DICER1: variants seen among roughly 807,000 people sequenced by gnomAD.
DICER1 encodes the protein endoribonuclease Dicer.
Under a neutral mutation model 194.1 loss-of-function variants are expected in DICER1, and 43 were observed. The ratio of observed to expected loss-of-function variants is 0.22; its 90% CI spans 0.17 to 0.29. The LOEUF is 0.29. Ranked by LOEUF, DICER1 falls within the 10% of genes least tolerant of loss-of-function variation. The pLI is 1.00. For synonymous variants in DICER1, 832 were observed against 820.5 expected, an observed-to-expected ratio of 1.01 and a Z score of -0.24; for missense variants, 1,608 against 2,317.0, an observed-to-expected ratio of 0.69 and a Z score of 6.28.
chr14:95,100,033 TAATC>T (rs1890740741), intron 21 of DICER1, 98 bp from the exon 22 acceptor site: 11 of 1,307,554 alleles, frequency 8.4e-6, no homozygotes, highest in East Asian at 7.3e-5. Context: ...TTCTTAAAAT[TAATC>T]AATTAATTAT....
At chr14:95,103,274 T>C in intron 21 of DICER1, 72 bp downstream of exon 21, 2 of 1,477,462 alleles carry the variant, frequency 1.4e-6, no homozygotes. Flanking sequence ...CCTCTGAGAT[T>C]ATCCAACACT....
intron 8 of DICER1, 145 bp from the exon 9 acceptor site, chr14:95,117,899 C>T: frequency 2.7e-6 from 2 of 727,668 alleles, no homozygotes; most frequent in East Asian, 5.4e-5. Flanking sequence ...TCCCAACTTG[C>T]TTAAACAGAA....
At chr14:95,117,544 A>G (rs1465206825) in intron 9 of DICER1, 78 bp downstream of exon 9, 9 of 1,474,058 alleles carry the variant, frequency 6.1e-6, no homozygotes, top group East Asian at 2.3e-5. Context: ...AAACTATGAA[A>G]AAAGGGAGAC....
In DICER1 at chr14:95,090,519, T is replaced by A; in HGVS notation, c.5748A>T (p.Gln1916His). 2 of 1,614,064 alleles carry A rather than the reference T, an allele frequency of 1.2e-6. 1 individual carries two copies. Among genetic ancestry groups the A allele is most frequent in the South Asian group, 2.2e-5 (2 of 91,060 alleles). ...GGTTTCAGCTATTGGGAACCTGAGG[T>A]TGATTAGCTTTGAGGCTTCGGAGGG... ...RRALRSLKAN[Q>H]PQVPNS is the part of the protein sequence containing the mutation. The change falls in exon 27 of 27, where the codon CAA becomes CAT. Residue 1916 changes from glutamine to histidine, a missense_variant. By Grantham distance (24) the Gln-to-His change is conservative. This residue lies in a region of DICER1 where 138 missense variants were observed against 298.3 expected (regional missense o/e 0.46). Coordinates refer to ENST00000343455, the MANE Select transcript of DICER1 (RefSeq NM_177438.3).
intron 6 of DICER1, among the ~76,000 whole-genome samples, chr14:95,127,928 C>A (rs1042721990): frequency 6.6e-6 from 1 of 152,178 alleles, no homozygotes; most frequent in African/African-American, 2.4e-5. Flanking sequence ...TTCGCAGAAG[C>A]GGAAAGAAGA....
rs1032556355 is a variant in DICER1, at chr14:95,117,478, C to T, written c.1509+144G>A. On this transcript the variant is annotated intron_variant, in intron 9 of 26. Transcript: ENST00000343455. ...CTCTACAGCTACCTCATGGGGACAG[C>T]TGGTCTAATATATGAAGAAGTATTC... 1.9e-5 allele frequency: 16 copies of T among 863,844 alleles called. No homozygotes were observed. In the African/African-American group the frequency reaches 2.7e-4, roughly 15 times the overall value. The allele number at this position is 863,844 out of a possible 1,614,324, so 53.5% of individuals were successfully genotyped here.
chr14:95,094,439 T>C (rs1046064315), intron 23 of DICER1, among the ~76,000 whole-genome samples: 3 of 152,204 alleles, frequency 2.0e-5, no homozygotes, highest in Non-Finnish European at 4.4e-5. Flanking sequence ...ACAGGTGCTA[T>C]CATGATCACT....
rs568488150 is a variant in DICER1 at position 95,105,341 on chromosome 14, T to C, written c.3094-95A>G. Reference sequence around the variant, plus strand: ...TTTCACTAATGGATAAAGAAAATCATAAATGCTAGTAAAACTTAATTTTAA... The same window carrying C: ...TTTCACTAATGGATAAAGAAAATCACAAATGCTAGTAAAACTTAATTTTAA... On this transcript the variant is annotated intron_variant, in intron 19 of 26. Coordinates refer to ENST00000343455, the MANE Select transcript of DICER1 (RefSeq NM_177438.3). This position sits in a 1 kb window ranked among gnomAD's most constrained non-coding sequence, Gnocchi z 4.9. 2 of 1,132,344 alleles carry C rather than the reference T, an allele frequency of 1.8e-6. No homozygotes were observed. The highest frequency in any genetic ancestry group is 1.9e-5 in the Admixed American group (1 of 52,390). 70.1% of individuals were successfully genotyped at this position (1,132,344 alleles called of 1,614,324 possible).
In DICER1 at chr14:95,094,014, T is replaced by C. The variant is rs1432708141; in HGVS notation, c.5238A>G (p.Ala1746=). The change falls in exon 24 of 27, where the codon GCA becomes GCG. Residue 1746 remains alanine (A), a synonymous_variant. Coordinates refer to ENST00000343455, the MANE Select transcript of DICER1 (RefSeq NM_177438.3). The stretch of plus-strand genomic sequence containing the variant: ...GGTAGTCGTACTTTACAGCCAGCGA[T>C]GCAAAGATGGTGTTGTTGACCAGGG... ...RSALVNNTIF[A]SLAVKYDYHK... is the part of the protein sequence containing the mutation. The C allele has an allele frequency of 3.1e-6, 5 of 1,614,138 alleles. 1 individual carries two copies. In the South Asian group the frequency reaches 3.3e-5, roughly 11 times the overall value.
Position 95,131,739 on chromosome 14 carries a change from A to G in DICER1, c.308-100T>C, listed in dbSNP as rs989779632. ...ACAGTCTACAGAAATCCTTATTATT[A>G]TATTAGACCTAACCAACAATGTTTT... On this transcript the variant is annotated intron_variant, in intron 3 of 26. Coordinates refer to ENST00000343455, the MANE Select transcript of DICER1 (RefSeq NM_177438.3). 5.5e-6 allele frequency: 6 copies of G among 1,092,624 alleles called. No homozygotes were observed. The African/African-American group carries it at 6.2e-5, about 11-fold the overall frequency. 67.7% of individuals were successfully genotyped at this position (1,092,624 alleles called of 1,614,324 possible). A position where few individuals can be genotyped will look rare whatever the true frequency, so the allele number is the denominator to read the frequency against.
chr14:95,093,933 C>T lies in DICER1; in HGVS notation c.5319G>A (p.Val1773=). The T allele has an allele frequency of 1.2e-6, 2 of 1,614,140 alleles. No individual in the cohort carries two copies. Among genetic ancestry groups the T allele is most frequent in the Non-Finnish European group, 1.7e-6 (2 of 1,180,016 alleles). Reference sequence around the variant, plus strand: ...TTTCATTCTTCTCAAGCTGAAACTGCACAAAGTCATCAATGACATGGAAGA... The same window carrying T: ...TTTCATTCTTCTCAAGCTGAAACTGTACAAAGTCATCAATGACATGGAAGA... ...PELFHVIDDF[V]QFQLEKNEMQ... Residue 1773 remains valine, a synonymous_variant, in exon 24 of 27, where the codon GTG becomes GTA. Transcript: ENST00000343455.
chr14:95,123,580 C>G (rs1196381550), intron 8 of DICER1, among the ~76,000 whole-genome samples: 1 of 152,082 alleles, frequency 6.6e-6, no homozygotes, highest in Non-Finnish European at 1.5e-5. Flanking sequence ...ACACCACCAC[C>G]GGCTAATTTT....
In DICER1 at chr14:95,133,319, T is replaced by A. The variant is rs753790391; in HGVS notation, c.140A>T (p.Tyr47Phe). ...TATTAGTGTTCGCATTAGTACCTGA[T>A]ATTTTCTTGGCGTATAAATGTTATC... ...IHDNIYTPRK[Y>F]QVELLEAALD... Residue 47 changes from tyrosine to phenylalanine, a missense_variant, in exon 2 of 27, where the codon TAT (tyrosine) becomes TTT (phenylalanine). This residue lies in a region of DICER1 where 657 missense variants were observed against 910.1 expected (regional missense o/e 0.72). Transcript: ENST00000343455. 12 of 1,614,140 alleles carry A rather than the reference T, an allele frequency of 7.4e-6. No homozygotes were observed. Among genetic ancestry groups the A allele is most frequent in the Non-Finnish European group, 1.0e-5 (12 of 1,180,016 alleles).
intron 4 of DICER1, 125 bp downstream of exon 4, chr14:95,131,384 G>T: frequency 1.1e-6 from 1 of 892,040 alleles, no homozygotes; most frequent in Non-Finnish European, 1.8e-6. Flanking sequence ...CTAGCTTCTA[G>T]GCTGATTAAG....
At chr14:95,137,429 G>A (rs1410725392) in intron 1 of DICER1, among the ~76,000 whole-genome samples, 4 of 135,936 alleles carry the variant, frequency 2.9e-5, no homozygotes, top group African/African-American at 1.1e-4. Flanking sequence ...AAGGGAATAA[G>A]AGGAAGGAAA....
At chr14:95,094,443 G>T (rs568503181) in intron 23 of DICER1, among the ~76,000 whole-genome samples, 1 of 152,322 alleles carries the variant, frequency 6.6e-6, no homozygotes, top group Admixed American at 6.5e-5. Context: ...GTGCTATCAT[G>T]ATCACTGAAT....
chr14:95,093,751 C>T, intron 24 of DICER1, 137 bp downstream of exon 24: 1 of 950,962 alleles, frequency 1.1e-6, no homozygotes, highest in Non-Finnish European at 1.7e-6. Context: ...ACTCGTGCTC[C>T]CACAGAACAC....
chr14:95,107,480 G>A, intron 17 of DICER1, 128 bp downstream of exon 17: 1 of 873,732 alleles, frequency 1.1e-6, no homozygotes, highest in South Asian at 1.3e-5. Context: ...TCAATCTCCT[G>A]ACCTCATGAT....
chr14:95,132,021 G>A (rs987713962), intron 3 of DICER1, among the ~76,000 whole-genome samples: 1 of 152,062 alleles, frequency 6.6e-6, no homozygotes, highest in African/African-American at 2.4e-5. Flanking sequence ...ATATATTAGT[G>A]CCCTACCAGC....
Sources: allele counts gnomAD v4.1 joint callset (sites outside exome capture counted in the v4.1 genomes callset), GRCh38; gene constraint gnomAD v4.1.1; regional missense constraint gnomAD v4.1.1; non-coding constraint Gnocchi (gnomAD v3.1); transcripts MANE v1.5; gene names NCBI Gene and HGNC (gene_info 2026-07-23, HGNC 2026-07-21).